TIAM1: variants seen among roughly 807,000 people sequenced by gnomAD.
The protein encoded by TIAM1 is TIAM Rac1 associated GEF 1.
TIAM1 carries 65 observed loss-of-function variants against 163.5 expected under a neutral mutation model. The ratio of observed to expected loss-of-function variants is 0.40; its 90% CI spans 0.33 to 0.49. The LOEUF (loss-of-function observed/expected upper bound fraction) is 0.49, where lower values mean the gene tolerates loss of function less well. TIAM1 is among the 20% of genes least tolerant of loss of function. TIAM1 has a pLI of 0.77. For synonymous variants in TIAM1, 833 were observed against 810.1 expected (o/e 1.03, Z -0.48); for missense variants, 1,789 against 2,044.7 (o/e 0.87, Z 2.41).
chr21:31,357,465 T>C (rs192928726), intron 2 of TIAM1, among the ~76,000 whole-genome samples: 1 of 152,332 alleles, frequency 6.6e-6, no homozygotes, highest in Admixed American at 6.5e-5. Flanking sequence ...TTTCTGCCTG[T>C]TGATGTAGAC....
At chr21:31,357,939 A>G (rs2076343295) in intron 2 of TIAM1, among the ~76,000 whole-genome samples, 1 of 151,918 alleles carries the variant, frequency 6.6e-6, no homozygotes, top group Non-Finnish European at 1.5e-5. Flanking sequence ...CTTCTCCCTG[A>G]CCTCTTAATG....
rs114469125 is a variant in TIAM1, at chr21:31,263,623, G to A, written c.963+2387C>T. ...AAGGCTCAAATCCCCATCAGCCATC[G>A]AGTATAGGGGAGAGCCATCCCTAGT... On this transcript the variant is annotated intron_variant, in intron 4 of 27. Coordinates refer to ENST00000541036, the MANE Select transcript of TIAM1 (RefSeq NM_001353694.2). Among the ~76,000 whole-genome samples the A allele has an allele frequency of 7.5e-4, 114 of 152,218 alleles. 1 individual carries two copies. The highest frequency in any genetic ancestry group is 2.6e-3 in the African/African-American group (107 of 41,528).
chr21:31,332,407 C>A (rs539967904), intron 2 of TIAM1, among the ~76,000 whole-genome samples: 1 of 152,124 alleles, frequency 6.6e-6, no homozygotes, highest in Non-Finnish European at 1.5e-5. Flanking sequence ...CCCTGAGCAA[C>A]AGGCTCAACT....
intron 1 of TIAM1, among the ~76,000 whole-genome samples, chr21:31,497,005 A>G (rs1044426753): frequency 2.6e-5 from 4 of 152,186 alleles, no homozygotes; most frequent in African/African-American, 9.7e-5. Context: ...ATGAGAATCT[A>G]ATACCACCAC....
At chr21:31,161,135 T>C (rs909991329) in intron 16 of TIAM1, among the ~76,000 whole-genome samples, 1 of 151,286 alleles carries the variant, frequency 6.6e-6, no homozygotes, top group African/African-American at 2.4e-5. Flanking sequence ...AAGCAGACAT[T>C]TCTGAGACAA....
intron 2 of TIAM1, among the ~76,000 whole-genome samples, chr21:31,316,164 C>T (rs2075118290): frequency 6.6e-6 from 1 of 152,072 alleles, no homozygotes; most frequent in South Asian, 2.1e-4. Context: ...GAGAGGTACC[C>T]TGATGTCCTC....
chr21:31,280,979 T>C (rs1299130882), intron 2 of TIAM1, among the ~76,000 whole-genome samples: 4 of 145,566 alleles, frequency 2.7e-5, no homozygotes, highest in Non-Finnish European at 6.0e-5. Context: ...TAGCTGGGTG[T>C]GGTGGCGTAT....
chr21:31,433,972 AT>A (rs1384316163), intron 2 of TIAM1, among the ~76,000 whole-genome samples: 1 of 151,872 alleles, frequency 6.6e-6, no homozygotes, highest in African/African-American at 2.4e-5. Context: ...TAATTTTTGT[AT>A]TTTTGTTAGA....
chr21:31,287,180 G>C (rs962321442), intron 2 of TIAM1, among the ~76,000 whole-genome samples: 1 of 152,036 alleles, frequency 6.6e-6, no homozygotes, highest in Non-Finnish European at 1.5e-5. Context: ...GCAAAATAGT[G>C]GTGCATTTTA....
At chr21:31,255,845 G>A (rs1373792359) in intron 4 of TIAM1, among the ~76,000 whole-genome samples, 3 of 152,086 alleles carry the variant, frequency 2.0e-5, no homozygotes, top group Admixed American at 1.3e-4. Flanking sequence ...AGAGATTTCC[G>A]ATCATGAACA....
chr21:31,450,609 T>C (rs2044795191), intron 2 of TIAM1, among the ~76,000 whole-genome samples: 1 of 152,124 alleles, frequency 6.6e-6, no homozygotes, highest in South Asian at 2.1e-4. Flanking sequence ...GTTGTGTTAG[T>C]CTGTTTTCAT....
intron 19 of TIAM1, among the ~76,000 whole-genome samples, chr21:31,152,021 C>T (rs1294887761): frequency 8.9e-6 from 1 of 112,306 alleles, no homozygotes. Context: ...CCAGAAGTGC[C>T]TTTTTTTTTT....
chr21:31,180,253 G>C (rs1057470464), intron 15 of TIAM1, among the ~76,000 whole-genome samples: 2 of 152,002 alleles, frequency 1.3e-5, no homozygotes, highest in Non-Finnish European at 2.9e-5. Flanking sequence ...CATTAACCGT[G>C]TCTATCCTTA....
chr21:31,538,948 A>G (rs1379753711), intron 1 of TIAM1, among the ~76,000 whole-genome samples: 2 of 152,100 alleles, frequency 1.3e-5, no homozygotes, highest in African/African-American at 2.4e-5. Flanking sequence ...TGGAAACACC[A>G]CATTTAAACA....
chr21:31,531,228 G>A (rs992110519), intron 1 of TIAM1, among the ~76,000 whole-genome samples: 1 of 152,136 alleles, frequency 6.6e-6, no homozygotes, highest in Non-Finnish European at 1.5e-5. Flanking sequence ...CACTGAGCCC[G>A]TGGGTACTCC....
At chr21:31,128,496 A>G (rs77921902) in intron 25 of TIAM1, among the ~76,000 whole-genome samples, 84 of 152,320 alleles carry the variant, frequency 5.5e-4, no homozygotes, top group African/African-American at 1.8e-3. Context: ...AGTTTGCTAC[A>G]GAAATAAACT....
intron 1 of TIAM1, among the ~76,000 whole-genome samples, chr21:31,483,086 C>T (rs906948215): frequency 1.3e-5 from 2 of 152,212 alleles, no homozygotes; most frequent in African/African-American, 4.8e-5. Flanking sequence ...CTTGGTATCA[C>T]ACCATGGCGG....
At chr21:31,557,244 G>A (rs927900216) in intron 1 of TIAM1, among the ~76,000 whole-genome samples, 17 of 152,176 alleles carry the variant, frequency 1.1e-4, no homozygotes, top group Non-Finnish European at 2.2e-4. Flanking sequence ...TTGAAGCTGA[G>A]AACAGCAGTC....
intron 3 of TIAM1, among the ~76,000 whole-genome samples, chr21:31,273,398 A>G (rs746773006): frequency 6.6e-6 from 1 of 152,226 alleles, no homozygotes; most frequent in Non-Finnish European, 1.5e-5. Flanking sequence ...GCACATGCCT[A>G]GGACTGACCC....
Sources: gnomAD v4.1 joint callset for allele counts (sites outside exome capture counted in the v4.1 genomes callset) on GRCh38, gnomAD v4.1.1 for gene constraint, MANE v1.5 for transcripts, NCBI Gene and HGNC (gene_info 2026-07-23, HGNC 2026-07-21) for gene names.